Variants in PDE10A observed in about 807,000 individuals in gnomAD.
PDE10A encodes the protein phosphodiesterase 10A.
In PDE10A, 39 loss-of-function variants were observed where a neutral mutation model predicts 97.7. That is an observed-to-expected ratio of 0.40 (90% CI 0.31 to 0.52). The LOEUF is 0.52. Among genes scored for constraint, PDE10A ranks in the 20% least tolerant of loss-of-function variants. The probability of loss-of-function intolerance (pLI) is 0.56; values close to 1 mark genes in which losing one functional copy is unlikely to be tolerated. For synonymous variants in PDE10A, 371 were observed against 376.8 expected, an observed-to-expected ratio of 0.98 and a Z score of 0.18; for missense variants, 731 against 1,047.8, an observed-to-expected ratio of 0.70 and a Z score of 4.17.
In PDE10A at chr6:165,332,176, A is replaced by T. The variant is rs1419449774; in HGVS notation, c.*849T>A. On this transcript the variant is annotated 3_prime_UTR_variant, in exon 22 of 22. Coordinates refer to ENST00000539869, the MANE Select transcript of PDE10A (RefSeq NM_001385079.1). ...CCCTTCGTATCCATAAGACTTGTCC[A>T]TTAAAAAAATTACAATGCCGAGCTT... 6.6e-6 allele frequency: 1 copy of T among 152,256 alleles called. No individual in the cohort carries two copies. The highest frequency in any genetic ancestry group is 2.4e-5 in the African/African-American group (1 of 41,478). 9.4% of individuals were successfully genotyped at this position (152,256 alleles called of 1,614,324 possible). A position where few individuals can be genotyped will look rare whatever the true frequency, so the allele number is the denominator to read the frequency against.
At chr6:165,748,319 C>T (rs1243825193) in intron 1 of PDE10A, among the ~76,000 whole-genome samples, 1 of 152,194 alleles carries the variant, frequency 6.6e-6, no homozygotes, top group Non-Finnish European at 1.5e-5. Context: ...TAAATACAAA[C>T]AACCTGTAGA....
chr6:165,570,999 AAGCAAATG>A (rs1445445375), intron 1 of PDE10A, among the ~76,000 whole-genome samples: 2 of 152,240 alleles, frequency 1.3e-5, no homozygotes, highest in Non-Finnish European at 2.9e-5. Context: ...TTTAGTGAGT[AAGCAAATG>A]AGCAAATACA....
chr6:165,481,402 T>C (rs1444193498), intron 3 of PDE10A, among the ~76,000 whole-genome samples: 1 of 152,088 alleles, frequency 6.6e-6, no homozygotes, highest in East Asian at 1.9e-4. Flanking sequence ...TTCCCTCCCC[T>C]ATCTCCACAC....
At position 165,461,669 on chromosome 6, in the gene PDE10A, A is replaced by T. The variant is rs183728644; in HGVS notation, c.1024-11307T>A. Among the ~76,000 whole-genome samples, 241 of 152,356 alleles carry T rather than the reference A, an allele frequency of 1.6e-3. 2 individuals are homozygous for T. Among genetic ancestry groups the T allele is most frequent in the Middle Eastern group, 3.4e-3 (1 of 294 alleles). ...AGAATGCACCCTTTTTACATCACTC[A>T]CATTAGGGCTCATGTACCTCTTCCA... is the stretch of plus-strand genomic sequence containing the variant. On this transcript the variant is annotated intron_variant, in intron 3 of 21. Transcript: ENST00000539869.
intron 2 of PDE10A, among the ~76,000 whole-genome samples, chr6:165,491,691 C>T (rs992501165): frequency 6.6e-6 from 1 of 151,910 alleles, no homozygotes; most frequent in Non-Finnish European, 1.5e-5. Flanking sequence ...CTATCAAAAC[C>T]TCTAGGATAC....
chr6:165,643,601 G>T (rs561744156), intron 1 of PDE10A, among the ~76,000 whole-genome samples: 1 of 152,110 alleles, frequency 6.6e-6, no homozygotes, highest in Non-Finnish European at 1.5e-5. Flanking sequence ...GGCACAGAAA[G>T]ACAAATACTG....
rs368706853 is a variant in PDE10A at position 165,550,150 on chromosome 6, G to T, written c.866-6582C>A. On this transcript the variant is annotated intron_variant, in intron 1 of 21. Coordinates refer to ENST00000539869, the MANE Select transcript of PDE10A (RefSeq NM_001385079.1). ...AAAACACGTCTTCCTGACCTTAAAA[G>T]AATTATTTTCTGCCACATTAGGTAT... Among the ~76,000 whole-genome samples, 28 of 152,100 alleles carry T rather than the reference G, an allele frequency of 1.8e-4. No individual in the cohort carries two copies. The East Asian group carries it at 5.0e-3, about 27-fold the overall frequency.
chr6:165,707,098 A>C (rs894570410), intron 1 of PDE10A, among the ~76,000 whole-genome samples: 9 of 152,228 alleles, frequency 5.9e-5, no homozygotes, highest in Non-Finnish European at 1.3e-4. Context: ...CAGTCTCAAA[A>C]TTATGGAAAT....
At chr6:165,531,560 C>A (rs890743308) in intron 2 of PDE10A, among the ~76,000 whole-genome samples, 3 of 152,066 alleles carry the variant, frequency 2.0e-5, no homozygotes, top group Admixed American at 1.3e-4. Context: ...TGGGGCAAAA[C>A]CTTCAACAAC....
At chr6:165,712,399 C>A (rs1791916920) in intron 1 of PDE10A, among the ~76,000 whole-genome samples, 1 of 152,166 alleles carries the variant, frequency 6.6e-6, no homozygotes, top group Non-Finnish European at 1.5e-5. Context: ...TCTGAGACTT[C>A]CTTCAACTAT....
chr6:165,676,601 A>G (rs910964186), intron 1 of PDE10A, among the ~76,000 whole-genome samples: 2 of 152,010 alleles, frequency 1.3e-5, no homozygotes, highest in African/African-American at 4.8e-5. Context: ...GAGGGGTCCA[A>G]GGACTTGCAC....
intron 1 of PDE10A, among the ~76,000 whole-genome samples, chr6:165,687,391 G>C (rs761269153): frequency 1.3e-5 from 2 of 152,260 alleles, no homozygotes; most frequent in Non-Finnish European, 2.9e-5. Context: ...CTGTATGCCA[G>C]TCGGGTAAGA....
At chr6:165,802,709 A>T (rs1367182919) in intron 1 of PDE10A, among the ~76,000 whole-genome samples, 1 of 152,138 alleles carries the variant, frequency 6.6e-6, no homozygotes, top group Non-Finnish European at 1.5e-5. Flanking sequence ...TGCAAGGTGG[A>T]TGTCTTTGAT....
chr6:165,837,374 C>T lies in PDE10A; in HGVS notation c.-615+150155G>A, dbSNP rs1194566886. 4.6e-5 allele frequency among the ~76,000 whole-genome samples: 7 copies of T among 152,138 alleles called. No individual in the cohort carries two copies. In the East Asian group the frequency reaches 1.3e-3, roughly 29 times the overall value. ...CCATGTATGGCCGCAGAGTTAAAAT[C>T]GTCTATTCTTTCCTCTGTAAGTTTT... is the stretch of plus-strand genomic sequence containing the variant. On this transcript the variant is annotated intron_variant, in intron 1 of 19. Transcript: ENST00000366882.
intron 13 of PDE10A, among the ~76,000 whole-genome samples, chr6:165,397,268 G>A (rs1328505910): frequency 6.6e-6 from 1 of 152,208 alleles, no homozygotes; most frequent in Non-Finnish European, 1.5e-5. Context: ...TTAAATAGGT[G>A]AGATTAATTA....
At position 165,418,864 on chromosome 6, in the gene PDE10A, T is replaced by C; in HGVS notation, c.1654-87A>G. On this transcript the variant is annotated intron_variant, in intron 10 of 21. Coordinates refer to ENST00000539869, the MANE Select transcript of PDE10A (RefSeq NM_001385079.1). This position sits in a 1 kb window ranked among gnomAD's most constrained non-coding sequence, Gnocchi z 4.8. ...CTTTATCATAAAATAAGTATTAATT[T>C]CAGCTGTCCTATACTCTAATTGGTT... 9.4e-7 allele frequency: 1 copy of C among 1,058,566 alleles called. No individual in the cohort carries two copies. The highest frequency in any genetic ancestry group is 2.0e-5 in the Admixed American group (1 of 49,168). 65.6% of individuals were successfully genotyped at this position (1,058,566 alleles called of 1,614,324 possible).
At chr6:165,527,883 G>T (rs753922643) in intron 2 of PDE10A, among the ~76,000 whole-genome samples, 1 of 152,186 alleles carries the variant, frequency 6.6e-6, no homozygotes. Flanking sequence ...GAGAAGGCTA[G>T]GACCTGGTTC....
chr6:165,928,440 C>T (rs1783015519), intron 1 of PDE10A, among the ~76,000 whole-genome samples: 1 of 152,204 alleles, frequency 6.6e-6, no homozygotes, highest in Non-Finnish European at 1.5e-5. Context: ...GCCCTCAGGT[C>T]AGCACGTGCT....
intron 1 of PDE10A, among the ~76,000 whole-genome samples, chr6:165,771,654 T>TAAAA (rs35902541): frequency 2.4e-4 from 26 of 106,284 alleles, no homozygotes; most frequent in Non-Finnish European, 4.4e-4. Context: ...TTTAACAAGA[T>TAAAA]AAAAAAAAAA....
Sources: allele counts gnomAD v4.1 joint callset (sites outside exome capture counted in the v4.1 genomes callset), GRCh38; gene constraint gnomAD v4.1.1; non-coding constraint Gnocchi (gnomAD v3.1); transcripts MANE v1.5; gene names NCBI Gene and HGNC (gene_info 2026-07-23, HGNC 2026-07-21).